Variants in NELL1 observed in about 807,000 individuals in gnomAD.
The protein encoded by NELL1 is neural EGFL like 1.
NELL1 carries 76 observed loss-of-function variants against 107.4 expected under a neutral mutation model. That is an observed-to-expected ratio of 0.71 (90% CI 0.59 to 0.86). NELL1 has a LOEUF of 0.86. NELL1 is among the 40% of genes least tolerant of loss of function. NELL1 has a pLI of 0.00. For synonymous variants in NELL1, 353 were observed against 341.2 expected (o/e 1.03, Z -0.38); for missense variants, 1,024 against 1,005.5 (o/e 1.02, Z -0.25).
intron 17 of NELL1, among the ~76,000 whole-genome samples, chr11:21,567,417 T>TAA (rs1856995565): frequency 6.6e-6 from 1 of 150,728 alleles, no homozygotes. Context: ...ATTCACTTGC[T>TAA]AAAATATAGA....
chr11:21,266,355 A>T (rs1623595), intron 14 of NELL1, among the ~76,000 whole-genome samples: 53,898 of 151,690 alleles, frequency 0.36, 11,137 homozygotes, highest in Non-Finnish European at 0.48. Context: ...ATTTGTTCCC[A>T]CTTGAATATA....
intron 15 of NELL1, among the ~76,000 whole-genome samples, chr11:21,498,712 A>G (rs527833017): frequency 1.8e-4 from 27 of 152,198 alleles, no homozygotes; most frequent in African/African-American, 6.5e-4. Flanking sequence ...ACTATATTCA[A>G]TTTTATTAGA....
chr11:21,277,003 C>G (rs1477305198), intron 14 of NELL1, among the ~76,000 whole-genome samples: 1 of 151,410 alleles, frequency 6.6e-6, no homozygotes, highest in Non-Finnish European at 1.5e-5. Context: ...GACTTCATGT[C>G]TAAAACACCA....
chr11:21,505,165 A>G (rs1156533910), intron 15 of NELL1, among the ~76,000 whole-genome samples: 2 of 152,256 alleles, frequency 1.3e-5, no homozygotes, highest in East Asian at 3.9e-4. Flanking sequence ...CCAATTTGGC[A>G]TTTATTTTCT....
chr11:21,571,364 A>G (rs1857097169), intron 18 of NELL1, among the ~76,000 whole-genome samples: 1 of 151,996 alleles, frequency 6.6e-6, no homozygotes, highest in South Asian at 2.1e-4. Context: ...ATAGAGACCT[A>G]GAATCTAAAT....
intron 4 of NELL1, among the ~76,000 whole-genome samples, chr11:20,866,691 G>A (rs1489028535): frequency 6.6e-6 from 1 of 152,144 alleles, no homozygotes; most frequent in African/African-American, 2.4e-5. Context: ...TCTGGAGGGA[G>A]GTGGCACCCC....
chr11:21,467,183 G>A (rs144712777), intron 15 of NELL1, among the ~76,000 whole-genome samples: 2 of 152,142 alleles, frequency 1.3e-5, no homozygotes, highest in East Asian at 3.9e-4. Context: ...GCTTTGAATT[G>A]CAGATCCCAT....
chr11:21,115,500 G>A (rs1023486916), intron 13 of NELL1, among the ~76,000 whole-genome samples: 1 of 151,960 alleles, frequency 6.6e-6, no homozygotes, highest in Admixed American at 6.6e-5. Flanking sequence ...AGGACAGAGG[G>A]CTGGTGAAAA....
rs749046462 is a variant in NELL1 at position 21,229,335 on chromosome 11, A to C, written c.1430A>C (p.His477Pro). ...TTTTCTCTCACCCTGGAAACAGAAC[A>C]CGATGAATGTGGCAGCGGCCAGCAC... ...IRVDDFSCTE[H>P]DECGSGQHNC... Residue 477 changes from histidine (H) to proline (P), a missense_variant, in exon 14 of 20, where the codon CAC becomes CCC. Coordinates refer to ENST00000357134, the MANE Select transcript of NELL1 (RefSeq NM_006157.5). 3 of 1,613,768 alleles carry C rather than the reference A, an allele frequency of 1.9e-6. No homozygotes were observed. The highest frequency in any genetic ancestry group is 2.5e-6 in the Non-Finnish European group (3 of 1,179,870).
At chr11:20,799,074 A>T (rs1857230337) in intron 3 of NELL1, among the ~76,000 whole-genome samples, 1 of 152,238 alleles carries the variant, frequency 6.6e-6, no homozygotes, top group African/African-American at 2.4e-5. Flanking sequence ...AGAGGGCTTT[A>T]TGAAGATAGG....
intron 12 of NELL1, among the ~76,000 whole-genome samples, chr11:21,089,162 A>G (rs1226078989): frequency 6.6e-6 from 1 of 152,216 alleles, no homozygotes; most frequent in East Asian, 1.9e-4. Context: ...ATTTTTCAGT[A>G]TAATAATTCA....
At chr11:21,080,932 G>T (rs1037844309) in intron 12 of NELL1, among the ~76,000 whole-genome samples, 8 of 151,260 alleles carry the variant, frequency 5.3e-5, no homozygotes, top group African/African-American at 1.5e-4. Context: ...GAGATAAAAT[G>T]GTACCTTATT....
chr11:21,359,626 T>G (rs1023069545), intron 14 of NELL1, among the ~76,000 whole-genome samples: 2 of 152,190 alleles, frequency 1.3e-5, no homozygotes, highest in Non-Finnish European at 2.9e-5. Flanking sequence ...ATCCATCTGG[T>G]CCTGGACTTT....
intron 18 of NELL1, among the ~76,000 whole-genome samples, chr11:21,571,695 G>A (rs1857104899): frequency 6.6e-6 from 1 of 151,806 alleles, no homozygotes; most frequent in Non-Finnish European, 1.5e-5. Context: ...ATTTGAGAAA[G>A]TCCAGAGAAA....
intron 17 of NELL1, among the ~76,000 whole-genome samples, chr11:21,566,880 C>T (rs1310249729): frequency 6.6e-6 from 1 of 151,782 alleles, no homozygotes; most frequent in Non-Finnish European, 1.5e-5. Flanking sequence ...GTGAACATTG[C>T]CATTGTTCTG....
chr11:20,789,555 C>T (rs561390019), intron 3 of NELL1, among the ~76,000 whole-genome samples: 2 of 152,198 alleles, frequency 1.3e-5, no homozygotes, highest in Non-Finnish European at 2.9e-5. Context: ...CCTCTTTGCC[C>T]CCAATGTGGC....
chr11:21,078,829 A>T (rs2133664939), intron 12 of NELL1, among the ~76,000 whole-genome samples: 1 of 152,224 alleles, frequency 6.6e-6, no homozygotes, highest in South Asian at 2.1e-4. Context: ...CACATCAGGT[A>T]CAAGCAAACT....
At chr11:21,340,821 G>T (rs1219342080) in intron 14 of NELL1, among the ~76,000 whole-genome samples, 1 of 152,136 alleles carries the variant, frequency 6.6e-6, no homozygotes, top group Non-Finnish European at 1.5e-5. Context: ...AACCAACCCT[G>T]TTGACACCTT....
intron 14 of NELL1, among the ~76,000 whole-genome samples, chr11:21,256,456 T>C (rs1268778380): frequency 6.6e-6 from 1 of 152,026 alleles, no homozygotes; most frequent in African/African-American, 2.4e-5. Context: ...TGCTCTTGGA[T>C]CTACTAGCAC....
Sources: allele counts gnomAD v4.1 joint callset (sites outside exome capture counted in the v4.1 genomes callset), GRCh38; gene constraint gnomAD v4.1.1; transcripts MANE v1.5; gene names NCBI Gene and HGNC (gene_info 2026-07-23, HGNC 2026-07-21).